The following WIPF1 variants were observed in gnomAD, a reference collection of about 807,000 sequenced individuals.
WIPF1 encodes WAS/WASL interacting protein family member 1.
WIPF1 carries 13 observed loss-of-function variants against 35.4 expected under a neutral mutation model. The ratio of observed to expected loss-of-function variants is 0.37; its 90% CI spans 0.24 to 0.58. The LOEUF is 0.58. Ranked by LOEUF, WIPF1 falls within the 20% of genes least tolerant of loss-of-function variation. WIPF1 has a pLI of 0.74. For missense variants in WIPF1, 591 were observed against 667.0 expected, an observed-to-expected ratio of 0.89 and a Z score of 1.25; for synonymous variants, 267 against 266.3, an observed-to-expected ratio of 1.00 and a Z score of -0.02.
chr2:174,570,723 G>A (rs1234849210), intron 5 of WIPF1: 1 of 152,188 alleles, frequency 6.6e-6, no homozygotes, highest in Non-Finnish European at 1.5e-5. Context: ...AAAGAATGGT[G>A]ATTATGAGGT....
chr2:174,576,180 T>A (rs1301988532), intron 3 of WIPF1, among the ~76,000 whole-genome samples: 1 of 147,198 alleles, frequency 6.8e-6, no homozygotes, highest in Non-Finnish European at 1.5e-5. Context: ...AGAGGATCAC[T>A]TGAACCCACT....
chr2:174,571,498 C>T lies in WIPF1; in HGVS notation c.1129+178G>A. On this transcript the variant is annotated intron_variant, in intron 5 of 7. Coordinates refer to ENST00000679041, the MANE Select transcript of WIPF1 (RefSeq NM_001375834.1). The surrounding 1 kb of genome is among the most constrained non-coding windows in gnomAD (Gnocchi z 4.6). ...AAAACACCAACAGAAATATTGGTCCCACTTTCCCCCGGGGTTTACACGAGG... is the reference window on the plus strand; with the variant it reads ...AAAACACCAACAGAAATATTGGTCCTACTTTCCCCCGGGGTTTACACGAGG... The T allele has an allele frequency of 1.2e-6, 1 of 801,944 alleles. No homozygotes were observed. The highest frequency in any genetic ancestry group is 2.1e-6 in the Non-Finnish European group (1 of 470,798). The allele number at this position is 801,944 out of a possible 1,614,324, so 49.7% of individuals were successfully genotyped here. A position where few individuals can be genotyped will look rare whatever the true frequency, so the allele number is the denominator to read the frequency against.
At chr2:174,645,434 A>T (rs1439038526) in intron 1 of WIPF1, among the ~76,000 whole-genome samples, 1 of 152,212 alleles carries the variant, frequency 6.6e-6, no homozygotes, top group Non-Finnish European at 1.5e-5. Context: ...GCAGCAGGTA[A>T]CTGTGGCAAG....
At position 174,622,940 on chromosome 2, in the gene WIPF1, A is replaced by G. The variant is rs190092190; in HGVS notation, c.-38-37329T>C. On this transcript the variant is annotated intron_variant, in intron 1 of 8. Transcript: ENST00000272746. This position sits in a 1 kb window ranked among gnomAD's most constrained non-coding sequence, Gnocchi z 5.1. ...GTGTTCTATTTGTTGTTGTTAACAAAATGATTTTCAATTATGAATTATCTT... is the reference window on the plus strand; with the variant it reads ...GTGTTCTATTTGTTGTTGTTAACAAGATGATTTTCAATTATGAATTATCTT... Among the ~76,000 whole-genome samples the G allele has an allele frequency of 5.7e-4, 87 of 152,290 alleles. No individual in the cohort carries two copies. The highest frequency in any genetic ancestry group is 2.0e-3 in the African/African-American group (84 of 41,554).
intron 1 of WIPF1, among the ~76,000 whole-genome samples, chr2:174,624,249 C>A (rs1475903460): frequency 6.6e-6 from 1 of 152,164 alleles, no homozygotes; most frequent in Non-Finnish European, 1.5e-5. Context: ...TTTCTAATGA[C>A]AGGTAGGACT....
At chr2:174,632,594 A>G (rs1189352673) in intron 1 of WIPF1, among the ~76,000 whole-genome samples, 6 of 151,644 alleles carry the variant, frequency 4.0e-5, no homozygotes, top group Admixed American at 1.3e-4. Flanking sequence ...CTGTAATCCC[A>G]GCTGCTTGGG....
chr2:174,655,319 TA>T (rs1221427411), intron 1 of WIPF1, among the ~76,000 whole-genome samples: 1 of 152,144 alleles, frequency 6.6e-6, no homozygotes, highest in African/African-American at 2.4e-5. Flanking sequence ...CCTCCGTTCT[TA>T]GTATGCTATA....
At chr2:174,652,046 A>G (rs143668143) in intron 1 of WIPF1, among the ~76,000 whole-genome samples, 18 of 152,340 alleles carry the variant, frequency 1.2e-4, no homozygotes, top group Middle Eastern at 3.4e-3. Context: ...GACTTTTTAC[A>G]TAGTGGCTCA....
chr2:174,643,413 T>TTGTG (rs544531582), intron 1 of WIPF1, among the ~76,000 whole-genome samples: 3 of 148,184 alleles, frequency 2.0e-5, no homozygotes, highest in East Asian at 1.9e-4. Context: ...TATATGTATT[T>TTGTG]TGTGTGTGTG....
upstream of WIPF1, among the ~76,000 whole-genome samples, chr2:174,602,548 A>T (rs1017344853): frequency 2.0e-5 from 3 of 152,246 alleles, no homozygotes; most frequent in Non-Finnish European, 4.4e-5. Flanking sequence ...GGTGAAAAAG[A>T]AACACTACCA....
chr2:174,662,883 CCT>C (rs1355160083), intron 1 of WIPF1, among the ~76,000 whole-genome samples: 1 of 152,172 alleles, frequency 6.6e-6, no homozygotes, highest in Non-Finnish European at 1.5e-5. Flanking sequence ...GAATGCAACA[CCT>C]TTAACAAGTG....
intron 1 of WIPF1, among the ~76,000 whole-genome samples, chr2:174,613,193 T>G (rs1255021422): frequency 2.0e-5 from 3 of 152,236 alleles, no homozygotes; most frequent in Non-Finnish European, 4.4e-5. Flanking sequence ...GTTGTGACCC[T>G]GAGTCACCTT....
At chr2:174,657,131 G>T (rs1687656403) in intron 1 of WIPF1, among the ~76,000 whole-genome samples, 1 of 152,150 alleles carries the variant, frequency 6.6e-6, no homozygotes, top group Non-Finnish European at 1.5e-5. Context: ...CTGGCTTGAT[G>T]GAATCTTGGA....
At chr2:174,632,803 G>A (rs1574850969) in intron 1 of WIPF1, among the ~76,000 whole-genome samples, 2 of 151,008 alleles carry the variant, frequency 1.3e-5, no homozygotes, top group Admixed American at 6.6e-5. Context: ...TCTACTGTGA[G>A]CAGCAGATTT....
At chr2:174,582,418 C>T (rs796624477) in intron 2 of WIPF1, among the ~76,000 whole-genome samples, 13 of 152,308 alleles carry the variant, frequency 8.5e-5, no homozygotes, top group African/African-American at 1.9e-4. Context: ...TCTGGCTGCC[C>T]CAAACCCACA....
At chr2:174,671,219 T>C (rs1688010919) in intron 1 of WIPF1, among the ~76,000 whole-genome samples, 1 of 152,252 alleles carries the variant, frequency 6.6e-6, no homozygotes, top group Non-Finnish European at 1.5e-5. Flanking sequence ...AACACTTTTA[T>C]AATTTCTTAC....
At chr2:174,668,510 CCA>C (rs796942535) in intron 1 of WIPF1, among the ~76,000 whole-genome samples, 26 of 152,296 alleles carry the variant, frequency 1.7e-4, no homozygotes, top group African/African-American at 5.5e-4. Flanking sequence ...GTCAGTGCCA[CCA>C]GTTTTAGGCA....
intron 1 of WIPF1, among the ~76,000 whole-genome samples, chr2:174,644,436 C>A (rs965214081): frequency 7.9e-6 from 1 of 126,918 alleles, no homozygotes; most frequent in African/African-American, 2.9e-5. Context: ...CACTCCCCCA[C>A]CCCCCTCCCT....
At position 174,659,306 on chromosome 2, in the gene WIPF1, TCTGTTTC is replaced by T. The variant is rs1447493055; in HGVS notation, c.-39+23461_-39+23467del. ...GCTACTTTCAATGGAGGCTCAGTTTTCTGTTTCCTGTTTCCTGTTTGTGTATTAACAA... is the reference window on the plus strand; with the variant it reads ...GCTACTTTCAATGGAGGCTCAGTTTTCTGTTTCCTGTTTGTGTATTAACAA... On this transcript the variant is annotated intron_variant, in intron 1 of 8. Coordinates refer to the WIPF1 transcript ENST00000272746. Among the ~76,000 whole-genome samples the T allele has an allele frequency of 2.6e-5, 4 of 152,320 alleles. No homozygotes were observed. The East Asian group carries it at 5.8e-4, about 22-fold the overall frequency.
Sources: allele counts gnomAD v4.1 joint callset (sites outside exome capture counted in the v4.1 genomes callset), GRCh38; gene constraint gnomAD v4.1.1; non-coding constraint Gnocchi (gnomAD v3.1); transcripts MANE v1.5; gene names NCBI Gene and HGNC (gene_info 2026-07-23, HGNC 2026-07-21).